Variants in THBS3 observed in about 807,000 individuals in gnomAD.
THBS3 encodes thrombospondin 3.
THBS3 carries 78 observed loss-of-function variants against 118.3 expected under a neutral mutation model. The observed-to-expected ratio is 0.66, with a 90% CI of 0.55 to 0.80. The LOEUF is 0.80. THBS3 is among the 30% of genes least tolerant of loss of function. The probability of loss-of-function intolerance (pLI) is 0.00; values close to 1 mark genes in which losing one functional copy is unlikely to be tolerated. For synonymous variants in THBS3, 427 were observed against 475.3 expected (o/e 0.90, Z 1.32); for missense variants, 1,057 against 1,247.4 (o/e 0.85, Z 2.30).
Position 155,203,277 on chromosome 1 carries a change from T to C in THBS3, c.702A>G (p.Gln234=), listed in dbSNP as rs139419910. 150 of 1,613,964 alleles carry C rather than the reference T, an allele frequency of 9.3e-5. No homozygotes were observed. Among genetic ancestry groups the C allele is most frequent in the Admixed American group, 2.3e-4 (14 of 59,992 alleles). ...CCAGGATCTGGTTGAAGAGGGTGAGTTGGGTGACCAGCGCCTTGGTCTGCT... is the reference window on the plus strand; with the variant it reads ...CCAGGATCTGGTTGAAGAGGGTGAGCTGGGTGACCAGCGCCTTGGTCTGCT... ...LGEQTKALVT[Q]LTLFNQILVE... The change falls in exon 6 of 23, where the codon CAA becomes CAG. Residue 234 remains glutamine, a synonymous_variant. Coordinates refer to ENST00000368378, the MANE Select transcript of THBS3 (RefSeq NM_007112.5).
chr1:155,199,541 G>A (rs1669321637), intron 16 of THBS3, among the ~76,000 whole-genome samples: 1 of 152,114 alleles, frequency 6.6e-6, no homozygotes, highest in African/African-American at 2.4e-5. Context: ...ATCACCTGAG[G>A]TAAGGAGTTC....
Position 155,197,481 on chromosome 1 carries a change from C to A in THBS3, c.2481G>T (p.Gln827His). The A allele has an allele frequency of 6.2e-7, 1 of 1,613,330 alleles. No homozygotes were observed. Among genetic ancestry groups the A allele is most frequent in the Non-Finnish European group, 8.5e-7 (1 of 1,179,972 alleles). Residue 827 changes from glutamine to histidine, a missense_variant, in exon 20 of 23, where the codon CAG (glutamine) becomes CAT (histidine). This residue lies in a region of THBS3 where 307 missense variants were observed against 326.1 expected (regional missense o/e 0.94). Transcript: ENST00000368378. The surrounding 1 kb of genome is among the most constrained non-coding windows in gnomAD (Gnocchi z 5.0). ...TGGGGACCTTGAGCTGCAGCCCGGG[C>A]TGGGCAACCGCCCGGAAGGGTGTAG... is the stretch of plus-strand genomic sequence containing the variant. ...WQATPFRAVA[Q>H]PGLQLKAVTS... is the part of the protein sequence containing the mutation.
chr1:155,207,854 C>A lies in THBS3; in HGVS notation c.23G>T (p.Gly8Val). ...GCAAAGGAGGAGAAGAGCCAGGGCC[C>A]CCCGAAGTTCCTGCGTCTCCATGCC... Reference protein sequence around the residue: METQELRGALALLLLCFF... With the variant: METQELRVALALLLLCFF... The change falls in exon 1 of 23, where the codon GGG (glycine) becomes GTG (valine). Residue 8 changes from glycine to valine, a missense_variant. Gly to Val is a moderately radical substitution (Grantham distance 109, BLOSUM62 -3). Coordinates refer to ENST00000368378, the MANE Select transcript of THBS3 (RefSeq NM_007112.5). The A allele has an allele frequency of 6.2e-7, 1 of 1,614,024 alleles. No homozygotes were observed. Among genetic ancestry groups the A allele is most frequent in the Non-Finnish European group, 8.5e-7 (1 of 1,180,014 alleles).
intron 10 of THBS3, 58 bp from the exon 11 acceptor site, chr1:155,201,627 C>T: frequency 6.4e-7 from 1 of 1,565,300 alleles, no homozygotes; most frequent in Non-Finnish European, 8.7e-7. Context: ...GCACCCAGGA[C>T]CAGCACTGCT....
Position 155,206,059 on chromosome 1 carries a change from C to G in THBS3, c.286+141G>C. On this transcript the variant is annotated intron_variant, in intron 2 of 22. Transcript: ENST00000368378. This position sits in a 1 kb window ranked among gnomAD's most constrained non-coding sequence, Gnocchi z 4.2. ...CCTTATAAGCACCCCATACCAGGTG[C>G]CCCTGATGTCTGGGCACAGCCTGAT... 1.1e-6 allele frequency: 1 copy of G among 915,560 alleles called. No individual in the cohort carries two copies. Among genetic ancestry groups the G allele is most frequent in the Admixed American group, 2.3e-5 (1 of 43,016 alleles). 56.7% of individuals were successfully genotyped at this position (915,560 alleles called of 1,614,324 possible).
Position 155,202,043 on chromosome 1 carries a change from G to A in THBS3, c.1099-9C>T. ...TCGATGTCATTGCAGACCTGAAGGGGCAGACTTTGGGTGGAACCAGACCTA... is the reference window on the plus strand; with the variant it reads ...TCGATGTCATTGCAGACCTGAAGGGACAGACTTTGGGTGGAACCAGACCTA... On this transcript the variant is annotated splice_polypyrimidine_tract_variant and intron_variant, in intron 9 of 22. Transcript: ENST00000368378. The surrounding 1 kb of genome is among the most constrained non-coding windows in gnomAD (Gnocchi z 5.5). The A allele has an allele frequency of 6.2e-7, 1 of 1,614,088 alleles. No homozygotes were observed. Among genetic ancestry groups the A allele is most frequent in the Non-Finnish European group, 8.5e-7 (1 of 1,180,032 alleles).
At chr1:155,209,148 G>GC, upstream of THBS3, 1 of 1,525,402 alleles carries the variant, frequency 6.6e-7, no homozygotes, top group Non-Finnish European at 8.8e-7. Context: ...ATCTCCCCAG[G>GC]CCCCCTGACC....
In THBS3 at chr1:155,202,225, C is replaced by G. The variant is rs187045676; in HGVS notation, c.1098+36G>C. The G allele has an allele frequency of 1.2e-6, 2 of 1,606,508 alleles. No individual in the cohort carries two copies. The highest frequency in any genetic ancestry group is 3.4e-5 in the Admixed American group (2 of 59,446). On this transcript the variant is annotated intron_variant, in intron 9 of 22. Transcript: ENST00000368378. The surrounding 1 kb of genome is among the most constrained non-coding windows in gnomAD (Gnocchi z 5.5). ...CAGAAGCCCCTGGCCTCTACAAGGC[C>G]AAGATCCCTTGTCCACACACACTAC...
At chr1:155,203,459 G>A in intron 5 of THBS3, 54 bp downstream of exon 5, 1 of 1,609,370 alleles carries the variant, frequency 6.2e-7, no homozygotes, top group Non-Finnish European at 8.5e-7. Flanking sequence ...GCAGCTGCCA[G>A]AGCCTGGGGC....
chr1:155,195,740 TG>T lies in THBS3; in HGVS notation c.*100del. On this transcript the variant is annotated 3_prime_UTR_variant, in exon 23 of 23. Transcript: ENST00000368378. ...CTTTTGGGAGCCAGAGAAGGGTCTG[TG>T]GTTGGCTGAGGGGCTGTAGCTTAGA... is the stretch of plus-strand genomic sequence containing the variant. The T allele has an allele frequency of 1.5e-6, 2 of 1,298,274 alleles. No homozygotes were observed. Among genetic ancestry groups the T allele is most frequent in the Non-Finnish European group, 2.2e-6 (2 of 918,286 alleles). The allele number at this position is 1,298,274 out of a possible 1,614,324, so 80.4% of individuals were successfully genotyped here. A position where few individuals can be genotyped will look rare whatever the true frequency, so the allele number is the denominator to read the frequency against.
Position 155,205,067 on chromosome 1 carries a change from C to T in THBS3, c.536G>A (p.Arg179Lys). 6.2e-7 allele frequency: 1 copy of T among 1,613,274 alleles called. No individual in the cohort carries two copies. Among genetic ancestry groups the T allele is most frequent in the Middle Eastern group, 1.6e-4 (1 of 6,062 alleles). ...AGGCTCCTCCCGGCTCACCTGCATCCTCAAATACGCCTTCTGTCCAGTCCT... is the reference window on the plus strand; with the variant it reads ...AGGCTCCTCCCGGCTCACCTGCATCTTCAAATACGCCTTCTGTCCAGTCCT... ...EIRTGQKAYL[R>K]MQGFVESMKI... The change falls in exon 3 of 23, where the codon AGG (arginine) becomes AAG (lysine). Residue 179 changes from arginine (R) to lysine (K), a missense_variant. This residue lies in a region of THBS3 where 544 missense variants were observed against 715.6 expected (regional missense o/e 0.76). Coordinates refer to ENST00000368378, the MANE Select transcript of THBS3 (RefSeq NM_007112.5).
rs759469521 is a variant in THBS3 at position 155,203,283 on chromosome 1, G to C, written c.696C>G (p.Val232=). 5.6e-6 allele frequency: 9 copies of C among 1,614,122 alleles called. No homozygotes were observed. The highest frequency in any genetic ancestry group is 7.6e-6 in the Non-Finnish European group (9 of 1,180,028). ...SILGEQTKAL[V]TQLTLFNQIL... ...TCTGGTTGAAGAGGGTGAGTTGGGT[G>C]ACCAGCGCCTTGGTCTGCTCCCCTG... Residue 232 remains valine (V), a synonymous_variant, in exon 6 of 23, where the codon GTC becomes GTG. Coordinates refer to ENST00000368378, the MANE Select transcript of THBS3 (RefSeq NM_007112.5).
intron 21 of THBS3, chr1:155,196,740 G>A: frequency 2.5e-6 from 1 of 396,624 alleles, no homozygotes; most frequent in Non-Finnish European, 4.6e-6. Flanking sequence ...CAGGTTCCAG[G>A]TCATACCAAC....
chr1:155,208,120 C>A (rs1670824888), upstream of THBS3: 1 of 563,364 alleles, frequency 1.8e-6, no homozygotes, highest in Admixed American at 3.2e-5. Context: ...ATGATCCTCC[C>A]CCAGGTGCCT....
chr1:155,195,829 G>A lies in THBS3; in HGVS notation c.*12C>T, dbSNP rs1302075036. On this transcript the variant is annotated 3_prime_UTR_variant, in exon 23 of 23. Coordinates refer to ENST00000368378, the MANE Select transcript of THBS3 (RefSeq NM_007112.5). ...TCTAAAATTCTGAATTCTGAATCTG[G>A]TGGCCTCCTCCTCACACCCTTCCCT... 1 of 1,613,538 alleles carries A rather than the reference G, an allele frequency of 6.2e-7. No homozygotes were observed. Among genetic ancestry groups the A allele is most frequent in the Non-Finnish European group, 8.5e-7 (1 of 1,179,962 alleles).
At chr1:155,203,786 T>C (rs906937945) in intron 4 of THBS3, among the ~76,000 whole-genome samples, 8 of 151,626 alleles carry the variant, frequency 5.3e-5, no homozygotes, top group African/African-American at 1.5e-4. Context: ...TTCCTAGGCA[T>C]GGTAGTGGCA....
chr1:155,207,573 G>T (rs1006172416), intron 1 of THBS3, among the ~76,000 whole-genome samples: 10 of 152,136 alleles, frequency 6.6e-5, no homozygotes, highest in Non-Finnish European at 1.5e-4. Context: ...CTCTGCCCTG[G>T]CCTCATGCCT....
intron 15 of THBS3, 57 bp downstream of exon 15, chr1:155,199,938 T>C (rs1669417283): frequency 6.2e-7 from 1 of 1,610,938 alleles, no homozygotes; most frequent in South Asian, 1.1e-5. Context: ...TCCAAAGGGC[T>C]GGGGCTTCAT....
chr1:155,198,398 C>T lies in THBS3; in HGVS notation c.2074+11G>A, dbSNP rs768060850. On this transcript the variant is annotated intron_variant, in intron 17 of 22. Coordinates refer to ENST00000368378, the MANE Select transcript of THBS3 (RefSeq NM_007112.5). Reference sequence around the variant, plus strand: ...ACACCAGTCTAACGTGCTCTGGGTCCGCAGGCTTACCATCTGAGTCCTTCT... The same window carrying T: ...ACACCAGTCTAACGTGCTCTGGGTCTGCAGGCTTACCATCTGAGTCCTTCT... 13 of 1,611,598 alleles carry T rather than the reference C, an allele frequency of 8.1e-6. No individual in the cohort carries two copies. The highest frequency in any genetic ancestry group is 5.3e-5 in the African/African-American group (4 of 74,886).
Sources: gnomAD v4.1 joint callset for allele counts (sites outside exome capture counted in the v4.1 genomes callset) on GRCh38, gnomAD v4.1.1 for gene constraint, gnomAD v4.1.1 regional missense constraint, Gnocchi (gnomAD v3.1) non-coding constraint, MANE v1.5 for transcripts, NCBI Gene and HGNC (gene_info 2026-07-23, HGNC 2026-07-21) for gene names.